The following IRGM variants were observed in gnomAD, a reference collection of about 807,000 sequenced individuals.
The protein encoded by IRGM is immunity related GTPase M.
For missense variants in IRGM, 288 were observed against 219.9 expected (o/e 1.31, Z -1.96); for synonymous variants, 98 against 80.6 (o/e 1.22, Z -1.16).
At chr5:150,900,421 C>T (rs1250165849) in intron 3 of IRGM, among the ~76,000 whole-genome samples, 2 of 152,092 alleles carry the variant, frequency 1.3e-5, no homozygotes, top group Non-Finnish European at 2.9e-5. Flanking sequence ...ATCATTTAAG[C>T]CTATTACCTA....
At chr5:150,875,121 C>T (rs904648779) in intron 1 of IRGM, among the ~76,000 whole-genome samples, 1 of 152,190 alleles carries the variant, frequency 6.6e-6, no homozygotes, top group Admixed American at 6.5e-5. Flanking sequence ...ACCCTGCCTT[C>T]TCTCCCTCAG....
rs996675428 is a variant in IRGM at position 150,846,890 on chromosome 5, C to T, written c.-746C>T. On this transcript the variant is annotated 5_prime_UTR_variant, in exon 1 of 2. Transcript: ENST00000522154. ...TAACACTCACCGCGAGGGTCCGTGG[C>T]TTCATTCTTGAAGTCAGTGAGACGA... 3 of 154,144 alleles carry T rather than the reference C, an allele frequency of 1.9e-5. No individual in the cohort carries two copies. The highest frequency in any genetic ancestry group is 7.2e-5 in the African/African-American group (3 of 41,474). The allele number at this position is 154,144 out of a possible 1,614,324, so 9.5% of individuals were successfully genotyped here.
intron 1 of IRGM, among the ~76,000 whole-genome samples, chr5:150,856,921 T>TTA (rs1355768181): frequency 0.032 from 3,115 of 98,226 alleles, 81 homozygotes; most frequent in African/African-American, 0.12. Flanking sequence ...ATATTTATTA[T>TTA]TTATTATTTA....
At chr5:150,875,660 C>A (rs1453897098) in intron 1 of IRGM, among the ~76,000 whole-genome samples, 1 of 152,206 alleles carries the variant, frequency 6.6e-6, no homozygotes, top group Non-Finnish European at 1.5e-5. Context: ...GGCCCATGAA[C>A]AAAGTGGCCA....
intron 3 of IRGM, among the ~76,000 whole-genome samples, chr5:150,892,990 T>TAGATCAC (rs1044029164): frequency 7.2e-5 from 11 of 152,128 alleles, no homozygotes; most frequent in African/African-American, 2.7e-4. Flanking sequence ...TTTTTGGAGT[T>TAGATCAC]AGATCACAGC....
intron 1 of IRGM, chr5:150,877,941 A>G: frequency 2.2e-6 from 1 of 447,080 alleles, no homozygotes; most frequent in Non-Finnish European, 4.5e-6. Flanking sequence ...GTTTAAATCA[A>G]TTTTGCTTCT....
At chr5:150,896,552 A>G in intron 3 of IRGM, 1 of 1,613,770 alleles carries the variant, frequency 6.2e-7, no homozygotes, top group Non-Finnish European at 8.5e-7. Flanking sequence ...TCTCAAGATT[A>G]GAATTGGGCT....
intron 3 of IRGM, chr5:150,897,934 A>C: frequency 8.9e-7 from 1 of 1,126,284 alleles, no homozygotes. Context: ...GAAAGGCTTC[A>C]CAATTACTTG....
In IRGM at chr5:150,897,031, A is replaced by G. The variant is rs981413008; in HGVS notation, c.*141-3558A>G. Reference sequence around the variant, plus strand: ...TCACAAGAGTCAATTAAGAGGGTAAAGAAGTAGAACAAATGGATGATCCAA... The same window carrying G: ...TCACAAGAGTCAATTAAGAGGGTAAGGAAGTAGAACAAATGGATGATCCAA... On this transcript the variant is annotated intron_variant and NMD_transcript_variant, in intron 3 of 3. Coordinates refer to the IRGM transcript ENST00000520549. 4 of 1,371,312 alleles carry G rather than the reference A, an allele frequency of 2.9e-6. No homozygotes were observed. In the African/African-American group the frequency reaches 4.4e-5, roughly 15 times the overall value. The allele number at this position is 1,371,312 out of a possible 1,614,324, so 84.9% of individuals were successfully genotyped here. A position where few individuals can be genotyped will look rare whatever the true frequency, so the allele number is the denominator to read the frequency against.
Position 150,847,713 on chromosome 5 carries a change from C to G in IRGM, c.-411C>G, listed in dbSNP as rs1357401399. ...CCTGCTCTTCTACTTCCGCAGCTTA[C>G]TCCAGTGCCCACAGATACGACAGAG... On this transcript the variant is annotated 5_prime_UTR_variant, in exon 2 of 2. Transcript: ENST00000522154. 1 of 183,264 alleles carries G rather than the reference C, an allele frequency of 5.5e-6. No homozygotes were observed. Among genetic ancestry groups the G allele is most frequent in the Admixed American group, 5.3e-5 (1 of 18,794 alleles). 11.4% of individuals were successfully genotyped at this position (183,264 alleles called of 1,614,324 possible). A position where few individuals can be genotyped will look rare whatever the true frequency, so the allele number is the denominator to read the frequency against.
At chr5:150,898,295 C>T (rs1754869908) in intron 3 of IRGM, 1 of 1,585,376 alleles carries the variant, frequency 6.3e-7, no homozygotes, top group Middle Eastern at 1.7e-4. Context: ...TCAACAAAGG[C>T]ATAACCTCCA....
intron 1 of IRGM, among the ~76,000 whole-genome samples, chr5:150,872,904 T>C (rs1754305698): frequency 6.6e-6 from 1 of 152,218 alleles, no homozygotes; most frequent in South Asian, 2.1e-4. Flanking sequence ...CCTTCACTAA[T>C]ACTTTGCAAA....
At chr5:150,875,364 A>T (rs977873432) in intron 1 of IRGM, among the ~76,000 whole-genome samples, 1 of 152,218 alleles carries the variant, frequency 6.6e-6, no homozygotes, top group Non-Finnish European at 1.5e-5. Context: ...GCGTGGAAGG[A>T]AAAATGGCCA....
Sources: allele counts gnomAD v4.1 joint callset (sites outside exome capture counted in the v4.1 genomes callset), GRCh38; gene constraint gnomAD v4.1.1; transcripts MANE v1.5; gene names NCBI Gene and HGNC (gene_info 2026-07-23, HGNC 2026-07-21).